The following SHISA6 variants were observed in gnomAD, a reference collection of about 807,000 sequenced individuals.
The protein encoded by SHISA6 is shisa family member 6.
A neutral mutation model predicts 47.9 loss-of-function variants in SHISA6; 22 were observed. The observed-to-expected ratio is 0.46, with a 90% CI of 0.33 to 0.66. The LOEUF (loss-of-function observed/expected upper bound fraction) is 0.66. Ranked by LOEUF, SHISA6 falls within the 30% of genes least tolerant of loss-of-function variation. The pLI, the probability that SHISA6 is intolerant of heterozygous loss-of-function variation, is 0.02. For missense variants in SHISA6, 680 were observed against 764.6 expected (o/e 0.89, Z 1.30); for synonymous variants, 388 against 337.8 (o/e 1.15, Z -1.63).
rs16944930 is a variant in SHISA6 at position 11,514,836 on chromosome 17, C to A, written c.896-37060C>A. Among the ~76,000 whole-genome samples the A allele has an allele frequency of 5.3e-3, 814 of 152,346 alleles. 22 individuals are homozygous for A. The East Asian group carries it at 0.087, about 16-fold the overall frequency. ...ACAGGGCACATGTCCTATTGTATAG[C>A]AGCAGCCTCAACTAAAAATCCTTGT... On this transcript the variant is annotated intron_variant, in intron 3 of 5. Transcript: ENST00000441885.
chr17:11,439,825 C>T (rs1181264775), intron 3 of SHISA6, among the ~76,000 whole-genome samples: 2 of 152,160 alleles, frequency 1.3e-5, no homozygotes, highest in South Asian at 2.1e-4. Context: ...GTGCTTTTAG[C>T]GCTTTGGGGA....
At chr17:11,406,668 C>A (rs546630700) in intron 3 of SHISA6, among the ~76,000 whole-genome samples, 1 of 152,320 alleles carries the variant, frequency 6.6e-6, no homozygotes, top group African/African-American at 2.4e-5. Context: ...ATGCTACTTT[C>A]TGAGCACAAT....
At chr17:11,295,682 G>A (rs954769411) in intron 2 of SHISA6, among the ~76,000 whole-genome samples, 3 of 152,042 alleles carry the variant, frequency 2.0e-5, no homozygotes, top group Non-Finnish European at 4.4e-5. Context: ...GAAGTCATGG[G>A]GCCGGGTGCG....
chr17:11,329,979 G>A (rs913012902), intron 2 of SHISA6, among the ~76,000 whole-genome samples: 6 of 151,236 alleles, frequency 4.0e-5, no homozygotes, highest in African/African-American at 1.5e-4. Context: ...TTTCATATGA[G>A]TAGAATACGG....
chr17:11,389,766 T>C (rs1222011207), intron 3 of SHISA6, among the ~76,000 whole-genome samples: 2 of 152,208 alleles, frequency 1.3e-5, no homozygotes, highest in Non-Finnish European at 2.9e-5. Flanking sequence ...GGCACTGGTC[T>C]TGGCACTGAG....
chr17:11,399,632 T>G (rs7212799), intron 3 of SHISA6, among the ~76,000 whole-genome samples: 7,057 of 152,142 alleles, frequency 0.046, 494 homozygotes, highest in African/African-American at 0.15. Context: ...ATGTTACCCA[T>G]GCTGGTCTCG....
chr17:11,309,107 A>G (rs1910232193), intron 2 of SHISA6, among the ~76,000 whole-genome samples: 2 of 152,026 alleles, frequency 1.3e-5, no homozygotes, highest in Admixed American at 6.6e-5. Flanking sequence ...TGGGACTACA[A>G]GTGCATGCCA....
rs570164539 is a variant in SHISA6 at position 11,488,667 on chromosome 17, T to G, written c.896-63229T>G. ...TCTGTTGGTGTCCTTATCAGACAGA[T>G]TCCTCTACATCCATCTTTCCAAATC... On this transcript the variant is annotated intron_variant, in intron 3 of 5. Coordinates refer to ENST00000441885, the MANE Select transcript of SHISA6 (RefSeq NM_207386.4). Among the ~76,000 whole-genome samples the G allele has an allele frequency of 2.1e-4, 32 of 152,330 alleles. No homozygotes were observed. In the South Asian group the frequency reaches 6.2e-3, roughly 30 times the overall value.
chr17:11,264,020 T>G (rs908748124), intron 2 of SHISA6, among the ~76,000 whole-genome samples: 1 of 152,196 alleles, frequency 6.6e-6, no homozygotes, highest in Non-Finnish European at 1.5e-5. Flanking sequence ...CCTGGATGTA[T>G]GATGAGTTGC....
chr17:11,461,661 T>C (rs1915695739), intron 3 of SHISA6, among the ~76,000 whole-genome samples: 1 of 152,102 alleles, frequency 6.6e-6, no homozygotes, highest in Non-Finnish European at 1.5e-5. Context: ...TAGGATTGGC[T>C]AGTTGGGATA....
intron 2 of SHISA6, among the ~76,000 whole-genome samples, chr17:11,352,281 T>C (rs1253976457): frequency 6.6e-6 from 1 of 152,022 alleles, no homozygotes; most frequent in Non-Finnish European, 1.5e-5. Flanking sequence ...GGAGATAGTG[T>C]TCATATTGAG....
intron 2 of SHISA6, among the ~76,000 whole-genome samples, chr17:11,305,855 G>GT (rs1418366385): frequency 1.3e-5 from 2 of 152,164 alleles, no homozygotes; most frequent in Non-Finnish European, 2.9e-5. Context: ...GAGATGGGGT[G>GT]GACTGTCCAG....
At chr17:11,299,092 C>G (rs1909840848) in intron 2 of SHISA6, among the ~76,000 whole-genome samples, 1 of 152,178 alleles carries the variant, frequency 6.6e-6, no homozygotes, top group Admixed American at 6.5e-5. Flanking sequence ...TCCCATGTCC[C>G]TTTCACAAAT....
chr17:11,259,089 G>T (rs1327572841), intron 1 of SHISA6, among the ~76,000 whole-genome samples: 1 of 151,938 alleles, frequency 6.6e-6, no homozygotes, highest in Non-Finnish European at 1.5e-5. Context: ...AATTGGGGGA[G>T]ATGGATATAA....
chr17:11,248,636 T>G (rs934485145), intron 1 of SHISA6, among the ~76,000 whole-genome samples: 1 of 152,218 alleles, frequency 6.6e-6, no homozygotes, highest in Admixed American at 6.5e-5. Flanking sequence ...CCACTGAATG[T>G]CTCCACTAAA....
intron 1 of SHISA6, among the ~76,000 whole-genome samples, chr17:11,255,920 G>C (rs761745927): frequency 6.6e-6 from 1 of 152,198 alleles, no homozygotes; most frequent in Admixed American, 6.5e-5. Context: ...TAGGTGCCAG[G>C]CTCCTTGTAA....
chr17:11,328,900 C>T (rs779518006), intron 2 of SHISA6, among the ~76,000 whole-genome samples: 10 of 152,050 alleles, frequency 6.6e-5, no homozygotes, highest in South Asian at 2.1e-4. Flanking sequence ...GTGCTGTGGG[C>T]GCATCTGCTG....
intron 2 of SHISA6, among the ~76,000 whole-genome samples, chr17:11,366,867 C>G (rs1912469031): frequency 6.6e-6 from 1 of 152,012 alleles, no homozygotes; most frequent in South Asian, 2.1e-4. Flanking sequence ...AAATTTTGCC[C>G]CCATAAAAGA....
chr17:11,346,419 C>G (rs1393971700), intron 2 of SHISA6, among the ~76,000 whole-genome samples: 1 of 152,110 alleles, frequency 6.6e-6, no homozygotes, highest in East Asian at 1.9e-4. Flanking sequence ...GAACTTTTGC[C>G]TCTCTGAAAT....
Sources: allele counts gnomAD v4.1 joint callset (sites outside exome capture counted in the v4.1 genomes callset), GRCh38; gene constraint gnomAD v4.1.1; transcripts MANE v1.5; gene names NCBI Gene and HGNC (gene_info 2026-07-23, HGNC 2026-07-21).